BABAM2: variants seen among roughly 807,000 people sequenced by gnomAD.
The protein encoded by BABAM2 is BRISC and BRCA1 A complex member 2.
A neutral mutation model predicts 54.7 loss-of-function variants in BABAM2; 31 were observed. The ratio of observed to expected loss-of-function variants is 0.57; its 90% CI spans 0.43 to 0.77. The LOEUF (loss-of-function observed/expected upper bound fraction) is 0.77. BABAM2 is among the 30% of genes least tolerant of loss of function. The pLI, the probability that BABAM2 is intolerant of heterozygous loss-of-function variation, is 0.00. For synonymous variants in BABAM2, 167 were observed against 162.9 expected (o/e 1.03, Z -0.19); for missense variants, 364 against 455.8 (o/e 0.80, Z 1.83).
chr2:28,279,691 G>GT (rs1686188545), intron 10 of BABAM2, among the ~76,000 whole-genome samples: 1 of 137,420 alleles, frequency 7.3e-6, no homozygotes, highest in Non-Finnish European at 1.5e-5. Flanking sequence ...TTGAGATGGA[G>GT]TTTCACTCTT....
intron 4 of BABAM2, among the ~76,000 whole-genome samples, chr2:27,997,622 G>A (rs1159273289): frequency 1.3e-5 from 2 of 151,980 alleles, no homozygotes; most frequent in Non-Finnish European, 2.9e-5. Flanking sequence ...TATAAACAAG[G>A]CTTTAAAAGT....
chr2:28,286,776 C>A (rs1686854592), intron 10 of BABAM2, among the ~76,000 whole-genome samples: 1 of 152,160 alleles, frequency 6.6e-6, no homozygotes, highest in Non-Finnish European at 1.5e-5. Flanking sequence ...CGTCTCCTTT[C>A]CTGAGAACAG....
At chr2:28,043,165 G>T (rs1263405808) in intron 5 of BABAM2, among the ~76,000 whole-genome samples, 1 of 147,266 alleles carries the variant, frequency 6.8e-6, no homozygotes, top group Non-Finnish European at 1.5e-5. Flanking sequence ...GTCTTGCTCT[G>T]TCGCCCAGGC....
chr2:27,926,857 A>G (rs1411369831), intron 2 of BABAM2, among the ~76,000 whole-genome samples: 1 of 152,094 alleles, frequency 6.6e-6, no homozygotes, highest in Non-Finnish European at 1.5e-5. Context: ...GTATATAATG[A>G]TGTTTTGTTA....
chr2:27,922,107 A>G (rs1444210767), intron 2 of BABAM2, among the ~76,000 whole-genome samples: 2 of 152,204 alleles, frequency 1.3e-5, no homozygotes, highest in African/African-American at 2.4e-5. Flanking sequence ...CGTGTCCTGT[A>G]AGTGGTTTCC....
intron 10 of BABAM2, among the ~76,000 whole-genome samples, chr2:28,257,916 C>A (rs1370977674): frequency 6.6e-6 from 1 of 151,978 alleles, no homozygotes; most frequent in African/African-American, 2.4e-5. Flanking sequence ...GTGGCTCACG[C>A]CTGCAATCCC....
intron 6 of BABAM2, among the ~76,000 whole-genome samples, chr2:28,102,529 G>A (rs1667174205): frequency 6.6e-6 from 1 of 152,222 alleles, no homozygotes; most frequent in South Asian, 2.1e-4. Context: ...CCAGATCCAA[G>A]AGGAAATGGA....
At chr2:27,899,221 G>A (rs952079440) in intron 2 of BABAM2, among the ~76,000 whole-genome samples, 2 of 152,162 alleles carry the variant, frequency 1.3e-5, no homozygotes, top group African/African-American at 4.8e-5. Context: ...CTTTTCAGAG[G>A]TAATGAAGAC....
chr2:28,081,421 T>C (rs1292099179), intron 6 of BABAM2, among the ~76,000 whole-genome samples: 1 of 152,224 alleles, frequency 6.6e-6, no homozygotes, highest in Non-Finnish European at 1.5e-5. Flanking sequence ...GTCCACTGTG[T>C]TGAGAAGATG....
intron 2 of BABAM2, chr2:27,896,781 C>T (rs1353366498): frequency 8.5e-6 from 2 of 236,016 alleles, no homozygotes; most frequent in South Asian, 4.7e-5. Context: ...GCAGCTTGTG[C>T]CCAGCTGGGT....
At chr2:27,906,267 G>A (rs1423718622) in intron 2 of BABAM2, among the ~76,000 whole-genome samples, 1 of 152,140 alleles carries the variant, frequency 6.6e-6, no homozygotes, top group Non-Finnish European at 1.5e-5. Context: ...AGGGCAGGAT[G>A]TCCATCAGGA....
At chr2:28,191,790 G>C (rs1031277893) in intron 7 of BABAM2, among the ~76,000 whole-genome samples, 1 of 152,134 alleles carries the variant, frequency 6.6e-6, no homozygotes, top group African/African-American at 2.4e-5. Context: ...GATTACAAGA[G>C]TAAGAGGAAA....
chr2:27,985,743 G>A (rs1025892890), intron 3 of BABAM2, among the ~76,000 whole-genome samples: 2 of 152,076 alleles, frequency 1.3e-5, no homozygotes, highest in African/African-American at 4.8e-5. Flanking sequence ...GTGGCTCTGG[G>A]TCTATGTCTT....
intron 11 of BABAM2, among the ~76,000 whole-genome samples, chr2:28,324,287 G>T (rs908233615): frequency 2.6e-5 from 4 of 152,144 alleles, no homozygotes; most frequent in African/African-American, 4.8e-5. Context: ...CTCCCTTACT[G>T]CATAGATGAG....
chr2:28,045,432 AT>A (rs1230518814), intron 5 of BABAM2, among the ~76,000 whole-genome samples: 6 of 152,238 alleles, frequency 3.9e-5, no homozygotes, highest in African/African-American at 1.4e-4. Context: ...ACATTCATAT[AT>A]TCTTTTCATA....
At chr2:28,039,717 T>C (rs1030553838) in intron 5 of BABAM2, among the ~76,000 whole-genome samples, 1 of 152,262 alleles carries the variant, frequency 6.6e-6, no homozygotes, top group Non-Finnish European at 1.5e-5. Context: ...AGAAGAAAAC[T>C]GTCACAGCTG....
intron 7 of BABAM2, among the ~76,000 whole-genome samples, chr2:28,148,106 T>G (rs1671674285): frequency 6.6e-6 from 1 of 152,226 alleles, no homozygotes; most frequent in South Asian, 2.1e-4. Context: ...AATACTTTAC[T>G]CTTATTCTGT....
At chr2:27,997,301 A>T (rs1238830243) in intron 4 of BABAM2, among the ~76,000 whole-genome samples, 1 of 152,154 alleles carries the variant, frequency 6.6e-6, no homozygotes. Context: ...TAAATGACCC[A>T]AGAGAATATG....
At chr2:28,124,944 AT>A (rs902238782) in intron 6 of BABAM2, among the ~76,000 whole-genome samples, 32 of 152,244 alleles carry the variant, frequency 2.1e-4, no homozygotes, top group Admixed American at 2.0e-3. Context: ...GAGCCCTCAA[AT>A]GAAGTAAAAA....
Sources: allele counts gnomAD v4.1 joint callset (sites outside exome capture counted in the v4.1 genomes callset), GRCh38; gene constraint gnomAD v4.1.1; transcripts MANE v1.5; gene names NCBI Gene and HGNC (gene_info 2026-07-23, HGNC 2026-07-21).